CDH13: variants seen among roughly 807,000 people sequenced by gnomAD.
The protein encoded by CDH13 is cadherin-13.
In CDH13, 24 loss-of-function variants were observed where a neutral mutation model predicts 63.8. The ratio of observed to expected loss-of-function variants is 0.38; its 90% CI spans 0.27 to 0.53. The LOEUF (loss-of-function observed/expected upper bound fraction) is 0.53, where lower values mean the gene tolerates loss of function less well. Ranked by LOEUF, CDH13 falls within the 20% of genes least tolerant of loss-of-function variation. CDH13 has a pLI of 0.85. For synonymous variants in CDH13, 503 were observed against 355.3 expected, an observed-to-expected ratio of 1.42 and a Z score of -4.67; for missense variants, 1,049 against 903.1, an observed-to-expected ratio of 1.16 and a Z score of -2.07.
intron 1 of CDH13, among the ~76,000 whole-genome samples, chr16:82,839,587 C>A (rs969119510): frequency 2.0e-5 from 3 of 152,174 alleles, no homozygotes; most frequent in Non-Finnish European, 4.4e-5. Context: ...TTCATTCTGG[C>A]CCTCAGTACC....
chr16:83,215,163 G>A (rs960500650), intron 4 of CDH13, among the ~76,000 whole-genome samples: 1 of 125,896 alleles, frequency 7.9e-6, no homozygotes, highest in East Asian at 2.6e-4. Context: ...TGCAACCTAT[G>A]CCTCCCAGAT....
chr16:83,387,079 T>C (rs77938574), intron 6 of CDH13, among the ~76,000 whole-genome samples: 6,814 of 152,184 alleles, frequency 0.045, 198 homozygotes, highest in Non-Finnish European at 0.061. Context: ...ATAGACTCTA[T>C]TATAGAGGCA....
At chr16:83,760,410 T>C (rs1317068720) in intron 11 of CDH13, among the ~76,000 whole-genome samples, 4 of 152,216 alleles carry the variant, frequency 2.6e-5, no homozygotes, top group Non-Finnish European at 4.4e-5. Context: ...ATATCCACTA[T>C]TCATAAGAGC....
chr16:83,172,666 C>A (rs1485027854), intron 4 of CDH13, among the ~76,000 whole-genome samples: 2 of 152,024 alleles, frequency 1.3e-5, no homozygotes, highest in African/African-American at 4.8e-5. Context: ...ACCTTGATCT[C>A]AGATTTTCAG....
rs374152712 is a variant in CDH13 at position 83,221,198 on chromosome 16, C to T, written c.636+3701C>T. ...AATCTGCAAATTCCTTAGCTCCTTTCCTAGGAACTCTGCTTACCGGGGCTG... is the reference window on the plus strand; with the variant it reads ...AATCTGCAAATTCCTTAGCTCCTTTTCTAGGAACTCTGCTTACCGGGGCTG... On this transcript the variant is annotated intron_variant, in intron 5 of 13. Coordinates refer to ENST00000567109, the MANE Select transcript of CDH13 (RefSeq NM_001257.5). Among the ~76,000 whole-genome samples, 43 of 152,274 alleles carry T rather than the reference C, an allele frequency of 2.8e-4. No homozygotes were observed. The South Asian group carries it at 8.5e-3, about 30-fold the overall frequency.
At chr16:82,768,801 C>T (rs1226170782) in intron 1 of CDH13, among the ~76,000 whole-genome samples, 3 of 152,284 alleles carry the variant, frequency 2.0e-5, no homozygotes, top group African/African-American at 4.8e-5. Flanking sequence ...AGACCATCCT[C>T]GGTTAATACT....
At chr16:83,340,853 C>G (rs2090706541) in intron 5 of CDH13, among the ~76,000 whole-genome samples, 1 of 152,018 alleles carries the variant, frequency 6.6e-6, no homozygotes, top group African/African-American at 2.4e-5. Flanking sequence ...GTTGAGTGCC[C>G]CTCTCATCTG....
intron 3 of CDH13, among the ~76,000 whole-genome samples, chr16:83,114,926 A>T (rs1246003084): frequency 6.6e-6 from 1 of 152,214 alleles, no homozygotes; most frequent in East Asian, 1.9e-4. Flanking sequence ...GAACGGAATA[A>T]ATTGGAGATT....
intron 2 of CDH13, among the ~76,000 whole-genome samples, chr16:83,031,625 ACT>A (rs1463329777): frequency 6.6e-6 from 1 of 151,316 alleles, no homozygotes; most frequent in Non-Finnish European, 1.5e-5. Flanking sequence ...TCAAATATTG[ACT>A]CTGTGCAGCT....
chr16:82,847,262 A>G (rs987737965), intron 1 of CDH13, among the ~76,000 whole-genome samples: 1 of 152,212 alleles, frequency 6.6e-6, no homozygotes. Flanking sequence ...TTTAAAACGA[A>G]CATAGTATTG....
rs537222157 is a variant in CDH13, at chr16:83,522,068, A to G, written c.960+35413A>G. Among the ~76,000 whole-genome samples, 29 of 152,268 alleles carry G rather than the reference A, an allele frequency of 1.9e-4. No homozygotes were observed. In the South Asian group the frequency reaches 6.0e-3, roughly 32 times the overall value. ...GCCAGGCCACCTTCCTTCCTAGGTA[A>G]GGTCTGCAAATCCAGTTCTCCCCTG... On this transcript the variant is annotated intron_variant, in intron 7 of 13. Transcript: ENST00000567109.
chr16:83,247,801 C>G (rs1905116024), intron 5 of CDH13, among the ~76,000 whole-genome samples: 1 of 152,098 alleles, frequency 6.6e-6, no homozygotes, highest in African/African-American at 2.4e-5. Flanking sequence ...GAACCAGGAA[C>G]CAGAGAGCCT....
In CDH13 at chr16:83,064,267, G is replaced by T. The variant is rs541690995; in HGVS notation, c.366+32049G>T. On this transcript the variant is annotated intron_variant, in intron 3 of 13. Transcript: ENST00000567109. ...ACCTGTGATCCCAGCTATTCAAGAG[G>T]CTGAGATAGGAAAATCGCTTGAACC... Among the ~76,000 whole-genome samples, 3 of 152,258 alleles carry T rather than the reference G, an allele frequency of 2.0e-5. No homozygotes were observed. The East Asian group carries it at 5.8e-4, about 29-fold the overall frequency.
chr16:82,962,582 C>T (rs1331126704), intron 2 of CDH13, among the ~76,000 whole-genome samples: 4 of 152,164 alleles, frequency 2.6e-5, no homozygotes, highest in Non-Finnish European at 2.9e-5. Flanking sequence ...TGAAGACAGA[C>T]GGGAGTGGGA....
intron 8 of CDH13, among the ~76,000 whole-genome samples, chr16:83,663,339 C>T (rs1433603141): frequency 6.6e-6 from 1 of 152,156 alleles, no homozygotes; most frequent in African/African-American, 2.4e-5. Flanking sequence ...TATATCTACT[C>T]AAAACCGCTA....
chr16:83,685,725 G>T (rs181424139), intron 10 of CDH13, among the ~76,000 whole-genome samples: 1 of 152,170 alleles, frequency 6.6e-6, no homozygotes, highest in Admixed American at 6.5e-5. Flanking sequence ...ATCCCAAGTC[G>T]AGAAGAAGGA....
intron 11 of CDH13, among the ~76,000 whole-genome samples, chr16:83,772,086 A>G (rs1237854739): frequency 2.0e-5 from 3 of 152,236 alleles, no homozygotes; most frequent in Admixed American, 6.5e-5. Context: ...TTTAGCTTGT[A>G]TACTTATTTG....
At chr16:83,718,638 G>A (rs939814555) in intron 10 of CDH13, among the ~76,000 whole-genome samples, 5 of 152,032 alleles carry the variant, frequency 3.3e-5, no homozygotes, top group Non-Finnish European at 7.4e-5. Context: ...GTATGTTAAC[G>A]AGCATATATT....
chr16:83,110,396 A>G (rs2034999551), intron 3 of CDH13, among the ~76,000 whole-genome samples: 1 of 152,224 alleles, frequency 6.6e-6, no homozygotes, highest in Non-Finnish European at 1.5e-5. Flanking sequence ...GACCACAACC[A>G]AGGAGGATTT....
Sources: allele counts gnomAD v4.1 joint callset (sites outside exome capture counted in the v4.1 genomes callset), GRCh38; gene constraint gnomAD v4.1.1; transcripts MANE v1.5; gene names NCBI Gene and HGNC (gene_info 2026-07-23, HGNC 2026-07-21).